PTN: variants seen among roughly 807,000 people sequenced by gnomAD.
PTN encodes the protein heparin affin regulatory protein.
Under a neutral mutation model 24.1 loss-of-function variants are expected in PTN, and 18 were observed. That is an observed-to-expected ratio of 0.75 (90% CI 0.52 to 1.11). PTN has a LOEUF of 1.11. PTN is among the 50% of genes least tolerant of loss of function. The pLI is 0.00. For synonymous variants in PTN, 78 were observed against 68.6 expected (o/e 1.14, Z -0.67); for missense variants, 163 against 198.8 (o/e 0.82, Z 1.08).
chr7:137,302,224 C>T lies in PTN; in HGVS notation c.-2+41215G>A, dbSNP rs150818793. On this transcript the variant is annotated intron_variant, in intron 1 of 4. Coordinates refer to ENST00000348225, the MANE Select transcript of PTN (RefSeq NM_002825.7). ...GCTTGTGTTATCCCCATCTTCCAGACGTGAAACCTAATCCTCAGAGAAGCT... is the reference window on the plus strand; with the variant it reads ...GCTTGTGTTATCCCCATCTTCCAGATGTGAAACCTAATCCTCAGAGAAGCT... Among the ~76,000 whole-genome samples the T allele has an allele frequency of 7.4e-4, 113 of 152,092 alleles. 1 individual carries two copies. The East Asian group carries it at 0.01, about 14-fold the overall frequency.
At chr7:137,268,195 G>A (rs763064849) in intron 1 of PTN, among the ~76,000 whole-genome samples, 2 of 152,012 alleles carry the variant, frequency 1.3e-5, no homozygotes, top group South Asian at 2.1e-4. Context: ...GCATCCCACC[G>A]GGGCAAATGC....
chr7:137,278,591 A>T (rs951303765), intron 1 of PTN, among the ~76,000 whole-genome samples: 1 of 152,122 alleles, frequency 6.6e-6, no homozygotes. Context: ...GCTTATATTG[A>T]TCTGAAAAAC....
chr7:137,332,226 T>C (rs1810370925), intron 1 of PTN, among the ~76,000 whole-genome samples: 1 of 152,152 alleles, frequency 6.6e-6, no homozygotes, highest in Non-Finnish European at 1.5e-5. Flanking sequence ...TAAAGGTATA[T>C]CAGGGTGCTA....
intron 1 of PTN, among the ~76,000 whole-genome samples, chr7:137,275,179 G>T (rs776252575): frequency 6.6e-6 from 1 of 152,170 alleles, no homozygotes; most frequent in Non-Finnish European, 1.5e-5. Context: ...TGCACAGAGG[G>T]TGATAATGCA....
In PTN at chr7:137,323,109, TTTC is replaced by T. The variant is rs764004476; in HGVS notation, c.-2+20327_-2+20329del. ...CTGCACTTTCATCTTTGTTGTCCAA[TTTC>T]TTCTTTGGATTACCAATTTTTGAAA... On this transcript the variant is annotated intron_variant, in intron 1 of 4. Transcript: ENST00000348225. Among the ~76,000 whole-genome samples, 3 of 152,218 alleles carry T rather than the reference TTTC, an allele frequency of 2.0e-5. No individual in the cohort carries two copies. In the East Asian group the frequency reaches 5.8e-4, roughly 29 times the overall value.
At chr7:137,329,455 C>T (rs1011749823) in intron 1 of PTN, among the ~76,000 whole-genome samples, 6 of 152,156 alleles carry the variant, frequency 3.9e-5, no homozygotes, top group South Asian at 4.2e-4. Context: ...AAGTTAGGGA[C>T]GCCACTGTCC....
chr7:137,255,988 G>C (rs1456171595), intron 1 of PTN, among the ~76,000 whole-genome samples: 1 of 152,104 alleles, frequency 6.6e-6, no homozygotes, highest in African/African-American at 2.4e-5. Flanking sequence ...TCCAGAGGTA[G>C]TACTAGATTA....
chr7:137,286,534 A>C (rs753655164), intron 1 of PTN, among the ~76,000 whole-genome samples: 29 of 152,196 alleles, frequency 1.9e-4, no homozygotes, highest in Non-Finnish European at 2.9e-4. Flanking sequence ...GAATATGTAA[A>C]CCAAATTAAC....
At chr7:137,324,433 A>AAAAAAAAAATATATATATATATATAT in intron 1 of PTN, among the ~76,000 whole-genome samples, 8 of 88,756 alleles carry the variant, frequency 9.0e-5, no homozygotes, top group African/African-American at 5.5e-4. Context: ...AAAAAAAAAA[A>AAAAAAAAAATATATATATATATATAT]ATATATATAT....
chr7:137,260,452 A>G (rs1809014901), intron 1 of PTN, among the ~76,000 whole-genome samples: 1 of 152,086 alleles, frequency 6.6e-6, no homozygotes, highest in Non-Finnish European at 1.5e-5. Context: ...TATAGTAATT[A>G]TTTATTTGTA....
intron 1 of PTN, among the ~76,000 whole-genome samples, chr7:137,315,574 G>A (rs1459554263): frequency 6.6e-6 from 1 of 152,166 alleles, no homozygotes; most frequent in Non-Finnish European, 1.5e-5. Context: ...TGTTTGGAAA[G>A]GGAGTTCCTG....
chr7:137,242,057 G>A (rs1049774998), intron 4 of PTN, among the ~76,000 whole-genome samples: 1 of 152,156 alleles, frequency 6.6e-6, no homozygotes, highest in African/African-American at 2.4e-5. Context: ...GAAATGTTGG[G>A]GGGAACTTCT....
intron 1 of PTN, among the ~76,000 whole-genome samples, chr7:137,323,900 GGA>G (rs1810206438): frequency 1.3e-5 from 2 of 152,048 alleles, no homozygotes; most frequent in African/African-American, 4.8e-5. Context: ...TATTCCATGG[GGA>G]GAGAGAAGAG....
intron 1 of PTN, among the ~76,000 whole-genome samples, chr7:137,289,513 T>A (rs1274341099): frequency 6.6e-6 from 1 of 152,188 alleles, no homozygotes; most frequent in Non-Finnish European, 1.5e-5. Flanking sequence ...AATAGGGATA[T>A]TATCTAGGTG....
intron 1 of PTN, among the ~76,000 whole-genome samples, chr7:137,292,195 A>G (rs1468072333): frequency 6.6e-6 from 1 of 152,158 alleles, no homozygotes; most frequent in African/African-American, 2.4e-5. Flanking sequence ...AAATCCATGA[A>G]TGTTCAAGTC....
intron 1 of PTN, among the ~76,000 whole-genome samples, chr7:137,330,200 A>G (rs1810328356): frequency 6.6e-6 from 1 of 152,100 alleles, no homozygotes; most frequent in Non-Finnish European, 1.5e-5. Flanking sequence ...GGCAAGAGAA[A>G]TGTTGAACTC....
chr7:137,255,352 C>G (rs4732251), intron 1 of PTN, among the ~76,000 whole-genome samples: 3 of 152,170 alleles, frequency 2.0e-5, no homozygotes, highest in Non-Finnish European at 4.4e-5. Context: ...CTTCAAAATT[C>G]CTGACAATAT....
chr7:137,276,779 A>C (rs1392589758), intron 1 of PTN, among the ~76,000 whole-genome samples: 2 of 151,568 alleles, frequency 1.3e-5, no homozygotes, highest in Non-Finnish European at 2.9e-5. Flanking sequence ...AACTTGCTTC[A>C]CAATTATTGC....
chr7:137,239,550 C>T (rs577894888), intron 4 of PTN, among the ~76,000 whole-genome samples: 2 of 152,002 alleles, frequency 1.3e-5, no homozygotes, highest in Non-Finnish European at 2.9e-5. Context: ...TCCCTCCCCC[C>T]TCCTCCCACC....
Sources: gnomAD v4.1 joint callset for allele counts (sites outside exome capture counted in the v4.1 genomes callset) on GRCh38, gnomAD v4.1.1 for gene constraint, MANE v1.5 for transcripts, NCBI Gene and HGNC (gene_info 2026-07-23, HGNC 2026-07-21) for gene names.